The following C5 variants were observed in gnomAD, a reference collection of about 807,000 sequenced individuals.
C5 encodes C3 and PZP-like alpha-2-macroglobulin domain-containing protein 4.
Under a neutral mutation model 218.8 loss-of-function variants are expected in C5, and 140 were observed. That is an observed-to-expected ratio of 0.64 (90% CI 0.56 to 0.74). C5 has a LOEUF of 0.74. Among genes scored for constraint, C5 ranks in the 30% least tolerant of loss-of-function variants. The pLI, the probability that C5 is intolerant of heterozygous loss-of-function variation, is 0.00. For synonymous variants in C5, 614 were observed against 682.3 expected (o/e 0.90, Z 1.56); for missense variants, 1,700 against 1,969.6 (o/e 0.86, Z 2.59).
intron 7 of C5, 75 bp downstream of exon 7, chr9:121,030,322 G>T: frequency 1.3e-6 from 1 of 764,356 alleles, no homozygotes. Context: ...TCTCACTTTG[G>T]GCAACTATCA....
intron 28 of C5, chr9:120,979,811 C>T (rs1166167043): frequency 5.3e-5 from 21 of 396,676 alleles, no homozygotes; most frequent in Admixed American, 7.4e-5. Context: ...CCCAGGAGAT[C>T]GAGGCTGCAG....
chr9:121,043,701 T>C (rs1023215769), intron 2 of C5, among the ~76,000 whole-genome samples: 1 of 28,230 alleles, frequency 3.5e-5, no homozygotes, highest in Non-Finnish European at 8.6e-5. Flanking sequence ...TCCAGCTAAC[T>C]TTTTTTTTTT....
chr9:120,981,824 G>A lies in C5; in HGVS notation c.3486+20C>T. 6.5e-7 allele frequency: 1 copy of A among 1,541,032 alleles called. No individual in the cohort carries two copies. Among genetic ancestry groups the A allele is most frequent in the Non-Finnish European group, 9.0e-7 (1 of 1,113,538 alleles). ...ACAGAAATAGATGATGGGTGTGAGAGAAAGAAAACTCTTACTTACCACCAG... is the reference window on the plus strand; with the variant it reads ...ACAGAAATAGATGATGGGTGTGAGAAAAAGAAAACTCTTACTTACCACCAG... On this transcript the variant is annotated intron_variant, in intron 27 of 40. Coordinates refer to ENST00000223642, the MANE Select transcript of C5 (RefSeq NM_001735.3).
chr9:120,973,946 C>A (rs1564136064), intron 30 of C5, among the ~76,000 whole-genome samples: 3 of 151,680 alleles, frequency 2.0e-5, no homozygotes, highest in African/African-American at 7.3e-5. Flanking sequence ...GCACTCCAGC[C>A]TGGGCAACAA....
Position 120,962,964 on chromosome 9 carries a change from C to A in C5, c.4327G>T (p.Val1443Leu), listed in dbSNP as rs762167893. 1.6e-5 allele frequency: 26 copies of A among 1,611,298 alleles called. No individual in the cohort carries two copies. The highest frequency in any genetic ancestry group is 2.2e-5 in the Non-Finnish European group (26 of 1,177,502). ...SANEEDLKAL[V>L]EGVDQLFTDY... ...GTGAATAGTTGATCCACCCCTTCCACAAGCTAAGGGGGAAAAGAGAGAAGC... is the reference window on the plus strand; with the variant it reads ...GTGAATAGTTGATCCACCCCTTCCAAAAGCTAAGGGGGAAAAGAGAGAAGC... The change falls in exon 35 of 41, where the codon GTG becomes TTG. Residue 1443 changes from valine (V) to leucine (L), a missense_variant. Physicochemically the swap from Val to Leu is conservative, Grantham distance 32. Transcript: ENST00000223642.
chr9:120,952,771 A>G lies in C5; in HGVS notation c.4999T>C (p.Phe1667Leu). 1 of 1,613,908 alleles carries G rather than the reference A, an allele frequency of 6.2e-7. No homozygotes were observed. The highest frequency in any genetic ancestry group is 1.1e-5 in the South Asian group (1 of 91,078). Residue 1667 changes from phenylalanine to leucine, a missense_variant, in exon 41 of 41, where the codon TTT becomes CTT. By Grantham distance (22) the Phe-to-Leu change is conservative. Coordinates refer to ENST00000223642, the MANE Select transcript of C5 (RefSeq NM_001735.3). ...CQAFLANLDE[F>L]AEDIFLNGC ...CCATTTAAAAAGATATCTTCGGCAA[A>G]TTCATCTAAATTAGCTAAAAATGCT...
chr9:121,029,674 G>A (rs1236287170), intron 7 of C5, among the ~76,000 whole-genome samples: 5 of 152,228 alleles, frequency 3.3e-5, no homozygotes, highest in African/African-American at 1.2e-4. Context: ...TCCACAAAGT[G>A]TGGGAGGGGT....
chr9:121,046,383 T>C lies in C5; in HGVS notation c.66A>G (p.Thr22=), dbSNP rs777563958. ...ATATTTTTGGTGCTGAAATGACATA[T>C]CTGTTGAAAAAGGAAAAGATAAGGC... ...FLGKTWGQEQ[T]YVISAPKIFR... The change falls in exon 2 of 41, where the codon ACA becomes ACG. Residue 22 remains threonine, a splice_region_variant and synonymous_variant. Coordinates refer to ENST00000223642, the MANE Select transcript of C5 (RefSeq NM_001735.3). 6.8e-6 allele frequency: 11 copies of C among 1,607,996 alleles called. No individual in the cohort carries two copies. The highest frequency in any genetic ancestry group is 8.5e-6 in the Non-Finnish European group (10 of 1,174,902).
chr9:120,960,171 GT>G (rs1465772800), intron 38 of C5, 76 bp downstream of exon 38: 19 of 917,680 alleles, frequency 2.1e-5, no homozygotes, highest in South Asian at 9.5e-5. Flanking sequence ...ACTATATAAA[GT>G]TTTTGATCTT....
chr9:120,970,276 A>C, intron 31 of C5, 25 bp from the exon 32 acceptor site: 1 of 1,504,342 alleles, frequency 6.6e-7, no homozygotes, highest in Non-Finnish European at 9.3e-7. Context: ...AGTAAGCAAG[A>C]AGATTCTATT....
rs2047596082 is a variant in C5, at chr9:121,043,166, T to C, written c.259A>G (p.Ile87Val). ...CCTCCAGGCAATTGTTTTGGTTGTATCTGGAAAAGAAATTGTTGATGGAAA... is the reference window on the plus strand; with the variant it reads ...CCTCCAGGCAATTGTTTTGGTTGTACCTGGAAAAGAAATTGTTGATGGAAA... Reference protein sequence around the residue: ...NKFQNSAILTIQPKQLPGGQN... With the variant: ...NKFQNSAILTVQPKQLPGGQN... Residue 87 changes from isoleucine to valine, a missense_variant and splice_region_variant, in exon 3 of 41, where the codon ATA (isoleucine) becomes GTA (valine). Ile to Val is a conservative substitution (Grantham distance 29). Coordinates refer to ENST00000223642, the MANE Select transcript of C5 (RefSeq NM_001735.3). 2 of 1,611,068 alleles carry C rather than the reference T, an allele frequency of 1.2e-6. No homozygotes were observed. The highest frequency in any genetic ancestry group is 1.7e-6 in the Non-Finnish European group (2 of 1,177,962).
chr9:120,972,004 A>C lies in C5; in HGVS notation c.4018-12T>G. 1 of 1,597,626 alleles carries C rather than the reference A, an allele frequency of 6.3e-7. No homozygotes were observed. Among genetic ancestry groups the C allele is most frequent in the Non-Finnish European group, 8.5e-7 (1 of 1,175,758 alleles). ...TCATTGAGAAGCACCTGGAAAGATA[A>C]TAGAGAAACAAACCATGCTTTCTTT... On this transcript the variant is annotated splice_polypyrimidine_tract_variant and intron_variant, in intron 30 of 40. Coordinates refer to ENST00000223642, the MANE Select transcript of C5 (RefSeq NM_001735.3).
the C5 span, among the ~76,000 whole-genome samples, chr9:121,063,837 T>C: frequency 6.6e-6 from 1 of 152,170 alleles, no homozygotes; most frequent in African/African-American, 2.4e-5. Context: ...ATGGTCCCCA[T>C]TTAACAGGAT....
intron 29 of C5, 79 bp downstream of exon 29, chr9:120,976,621 G>T (rs766962116): frequency 7.0e-6 from 8 of 1,140,894 alleles, no homozygotes; most frequent in East Asian, 2.3e-5. Context: ...GTGGACAAAG[G>T]CATGGAGGCC....
chr9:121,017,307 C>T lies in C5; in HGVS notation c.1866+55G>A. The T allele has an allele frequency of 2.5e-6, 4 of 1,605,022 alleles. No homozygotes were observed. In the East Asian group the frequency reaches 8.9e-5, roughly 36 times the overall value. On this transcript the variant is annotated intron_variant, in intron 14 of 40. Transcript: ENST00000223642. ...CTTCCCTTAGTTCTTCCTCCATATCCTAGCCTGGTGGCCACACTTCATGCA... is the reference window on the plus strand; with the variant it reads ...CTTCCCTTAGTTCTTCCTCCATATCTTAGCCTGGTGGCCACACTTCATGCA...
chr9:120,960,175 T>G, intron 38 of C5, 73 bp downstream of exon 38: 1 of 956,360 alleles, frequency 1.0e-6, no homozygotes, highest in Non-Finnish European at 1.7e-6. Flanking sequence ...TATAAAGTTT[T>G]TGATCTTTCT....
chr9:121,023,635 G>GCATT, intron 9 of C5, 116 bp from the exon 10 acceptor site: 3 of 726,206 alleles, frequency 4.1e-6, no homozygotes, highest in Non-Finnish European at 7.6e-6. Context: ...CTCCATTCTT[G>GCATT]CATTCATTCA....
chr9:121,041,544 C>A (rs994824672), intron 3 of C5, among the ~76,000 whole-genome samples: 11 of 151,834 alleles, frequency 7.2e-5, no homozygotes, highest in Non-Finnish European at 1.2e-4. Context: ...ACCTTGTGAT[C>A]CCCCCACCTC....
chr9:120,997,698 G>A lies in C5; in HGVS notation c.2639C>T (p.Ser880Phe), dbSNP rs1201806742. The change falls in exon 21 of 41, where the codon TCC becomes TTC. Residue 880 changes from serine to phenylalanine, a missense_variant. By Grantham distance (155) the Ser-to-Phe change is radical (BLOSUM62 -2). Coordinates refer to ENST00000223642, the MANE Select transcript of C5 (RefSeq NM_001735.3). ...SPVIDHQGTK[S>F]SKCVRQKVEG... ...TACTTTCTGGCGCACACATTTGGAG[G>A]ACTTTGTGCCCTGATGATCAATGAC... The A allele has an allele frequency of 1.2e-6, 2 of 1,614,182 alleles. No homozygotes were observed. Among genetic ancestry groups the A allele is most frequent in the Non-Finnish European group, 8.5e-7 (1 of 1,180,024 alleles).
Sources: gnomAD v4.1 joint callset for allele counts (sites outside exome capture counted in the v4.1 genomes callset) on GRCh38, gnomAD v4.1.1 for gene constraint, MANE v1.5 for transcripts, NCBI Gene and HGNC (gene_info 2026-07-23, HGNC 2026-07-21) for gene names.